TTLL5: variants seen among roughly 807,000 people sequenced by gnomAD.
TTLL5 encodes the protein tubulin tyrosine ligase like 5.
Under a neutral mutation model 168.4 loss-of-function variants are expected in TTLL5, and 132 were observed. The ratio of observed to expected loss-of-function variants is 0.78; its 90% confidence interval spans 0.68 to 0.91. TTLL5 has a LOEUF of 0.91. TTLL5 is among the 40% of genes least tolerant of loss of function. The probability of loss-of-function intolerance (pLI) is 0.00; values close to 1 mark genes in which losing one functional copy is unlikely to be tolerated. For synonymous variants in TTLL5, 546 were observed against 558.6 expected (o/e 0.98, Z 0.32); for missense variants, 1,545 against 1,581.5 (o/e 0.98, Z 0.39).
At chr14:75,928,614 A>G (rs2034165969) in intron 31 of TTLL5, among the ~76,000 whole-genome samples, 1 of 151,930 alleles carries the variant, frequency 6.6e-6, no homozygotes, top group Non-Finnish European at 1.5e-5. Context: ...ACTAAAAAAA[A>G]GACAACTTCC....
At chr14:75,783,076 A>C in intron 25 of TTLL5, 71 bp from the exon 26 acceptor site, 1 of 1,427,892 alleles carries the variant, frequency 7.0e-7, no homozygotes, top group Non-Finnish European at 9.4e-7. Context: ...TGTTTTAAAA[A>C]TATTTGTTTT....
intron 27 of TTLL5, among the ~76,000 whole-genome samples, chr14:75,816,546 ATCTCC>A (rs1393247550): frequency 6.6e-6 from 1 of 152,248 alleles, no homozygotes; most frequent in Non-Finnish European, 1.5e-5. Context: ...TAAATCTTTT[ATCTCC>A]TCTCCTTTCC....
intron 26 of TTLL5, among the ~76,000 whole-genome samples, chr14:75,784,201 C>G (rs1044283735): frequency 2.0e-5 from 3 of 152,196 alleles, no homozygotes; most frequent in Non-Finnish European, 2.9e-5. Context: ...TCTTCCTCCC[C>G]CAAGCCCCTG....
chr14:75,904,321 A>G (rs1488308802), intron 31 of TTLL5: 10 of 930,362 alleles, frequency 1.1e-5, no homozygotes, highest in Non-Finnish European at 1.1e-5. Flanking sequence ...GCACAAGGGA[A>G]TCATGGCCAA....
chr14:75,751,190 C>A (rs140576079), intron 17 of TTLL5, among the ~76,000 whole-genome samples: 1 of 152,282 alleles, frequency 6.6e-6, no homozygotes, highest in South Asian at 2.1e-4. Context: ...TGCACTGTGG[C>A]CATCACTTTT....
At position 75,954,554 on chromosome 14, in the gene TTLL5, C is replaced by A; in HGVS notation, c.*108C>A. 2.4e-6 allele frequency: 3 copies of A among 1,244,900 alleles called. No individual in the cohort carries two copies. The highest frequency in any genetic ancestry group is 1.2e-6 in the Non-Finnish European group (1 of 866,060). The allele number at this position is 1,244,900 out of a possible 1,614,324, so 77.1% of individuals were successfully genotyped here. On this transcript the variant is annotated 3_prime_UTR_variant, in exon 32 of 32. Transcript: ENST00000298832. ...GTCCATAGTATTTTTTTTTTTGCTGCCTCAAAGTCCCCAAAGCCTTCGAGC... is the reference window on the plus strand; with the variant it reads ...GTCCATAGTATTTTTTTTTTTGCTGACTCAAAGTCCCCAAAGCCTTCGAGC...
chr14:75,713,975 A>T (rs1224496515), intron 9 of TTLL5, among the ~76,000 whole-genome samples: 1 of 151,940 alleles, frequency 6.6e-6, no homozygotes, highest in Non-Finnish European at 1.5e-5. Context: ...TTTTAATTAC[A>T]AAAGGATCCA....
intron 18 of TTLL5, among the ~76,000 whole-genome samples, chr14:75,759,222 G>A (rs1410542832): frequency 6.6e-6 from 1 of 152,126 alleles, no homozygotes; most frequent in African/African-American, 2.4e-5. Context: ...GCGGAAAAAG[G>A]ATATTAAGGC....
At chr14:75,723,849 T>C (rs1380578100) in intron 12 of TTLL5, among the ~76,000 whole-genome samples, 2 of 152,112 alleles carry the variant, frequency 1.3e-5, no homozygotes, top group Non-Finnish European at 2.9e-5. Flanking sequence ...TCTTCTTGGC[T>C]TTTGTGGTTC....
chr14:75,886,729 A>G, intron 30 of TTLL5: 2 of 1,597,814 alleles, frequency 1.3e-6, no homozygotes, highest in Non-Finnish European at 1.7e-6. Flanking sequence ...TTTCAAAACT[A>G]TTTGTGGTAT....
intron 30 of TTLL5, among the ~76,000 whole-genome samples, chr14:75,895,615 A>G (rs1165702273): frequency 2.0e-5 from 3 of 152,206 alleles, no homozygotes; most frequent in African/African-American, 7.2e-5. Flanking sequence ...AAATTATAAA[A>G]TATTTTAAAC....
At chr14:75,754,379 T>C (rs1403625199) in intron 18 of TTLL5, among the ~76,000 whole-genome samples, 1 of 152,252 alleles carries the variant, frequency 6.6e-6, no homozygotes, top group East Asian at 1.9e-4. Flanking sequence ...TATCTGCAAA[T>C]GTATGGTGAT....
intron 21 of TTLL5, among the ~76,000 whole-genome samples, chr14:75,775,107 C>T (rs1891642638): frequency 6.6e-6 from 1 of 151,550 alleles, no homozygotes. Context: ...GTCTTCTCAC[C>T]TTTGATACTT....
At chr14:75,781,436 C>T (rs776256807) in intron 24 of TTLL5, among the ~76,000 whole-genome samples, 33 of 152,018 alleles carry the variant, frequency 2.2e-4, no homozygotes, top group Non-Finnish European at 1.0e-4. Context: ...GGAGAAAATT[C>T]GTATGTCTTT....
intron 31 of TTLL5, among the ~76,000 whole-genome samples, chr14:75,947,964 T>G (rs565342955): frequency 6.6e-6 from 1 of 151,956 alleles, no homozygotes; most frequent in African/African-American, 2.4e-5. Context: ...ATCGAAATTT[T>G]AACTACATCA....
At chr14:75,927,975 G>GCCC in intron 31 of TTLL5, among the ~76,000 whole-genome samples, 2 of 152,054 alleles carry the variant, frequency 1.3e-5, no homozygotes, top group Admixed American at 1.3e-4. Flanking sequence ...CCATCCTGTT[G>GCCC]CCCACTTGTG....
At chr14:75,946,758 C>A (rs989032122) in intron 31 of TTLL5, among the ~76,000 whole-genome samples, 5 of 150,102 alleles carry the variant, frequency 3.3e-5, no homozygotes, top group African/African-American at 1.2e-4. Context: ...AAAAAAAAAA[C>A]AACAACACAG....
chr14:75,846,244 T>C (rs1896534004), intron 28 of TTLL5, among the ~76,000 whole-genome samples: 1 of 152,170 alleles, frequency 6.6e-6, no homozygotes, highest in African/African-American at 2.4e-5. Flanking sequence ...AACCAGCAGG[T>C]CAGGCAAGTA....
At chr14:75,784,380 T>G (rs755771348) in intron 26 of TTLL5, among the ~76,000 whole-genome samples, 1 of 152,260 alleles carries the variant, frequency 6.6e-6, no homozygotes, top group African/African-American at 2.4e-5. Flanking sequence ...CTGCTTTCAC[T>G]TAGCATAATG....
Sources: gnomAD v4.1 joint callset for allele counts (sites outside exome capture counted in the v4.1 genomes callset) on GRCh38, gnomAD v4.1.1 for gene constraint, MANE v1.5 for transcripts, NCBI Gene and HGNC (gene_info 2026-07-23, HGNC 2026-07-21) for gene names.